Variants in CDKAL1 observed in about 807,000 individuals in gnomAD.
The protein encoded by CDKAL1 is CDKAL1 threonylcarbamoyladenosine tRNA methylthiotransferase.
In CDKAL1, 32 loss-of-function variants were observed where a neutral mutation model predicts 68.2. The observed-to-expected ratio is 0.47, with a 90% confidence interval of 0.35 to 0.63. The LOEUF is 0.63. Ranked by LOEUF, CDKAL1 falls within the 30% of genes least tolerant of loss-of-function variation. The pLI is 0.00. For missense variants in CDKAL1, 606 were observed against 696.7 expected, an observed-to-expected ratio of 0.87 and a Z score of 1.47; for synonymous variants, 234 against 244.3, an observed-to-expected ratio of 0.96 and a Z score of 0.39.
intron 13 of CDKAL1, among the ~76,000 whole-genome samples, chr6:21,176,682 G>GTTTTTTGT (rs1777584802): frequency 8.3e-6 from 1 of 119,870 alleles, no homozygotes; most frequent in South Asian, 2.6e-4. Flanking sequence ...CTGGATGTTG[G>GTTTTTTGT]TTTTTTTTTT....
chr6:21,078,088 C>G (rs1772172659), intron 12 of CDKAL1, among the ~76,000 whole-genome samples: 1 of 152,126 alleles, frequency 6.6e-6, no homozygotes, highest in Non-Finnish European at 1.5e-5. Flanking sequence ...CACAGCCCTG[C>G]CAAAACCCTT....
intron 12 of CDKAL1, among the ~76,000 whole-genome samples, chr6:21,105,451 C>A (rs182034350): frequency 1.2e-4 from 19 of 152,288 alleles, no homozygotes; most frequent in African/African-American, 1.9e-4. Context: ...ACCACTGCCA[C>A]TGGAATTGTG....
At chr6:20,926,437 G>GT (rs1483912933) in intron 9 of CDKAL1, among the ~76,000 whole-genome samples, 1 of 152,064 alleles carries the variant, frequency 6.6e-6, no homozygotes, top group East Asian at 1.9e-4. Flanking sequence ...ATTAAAATAA[G>GT]TTGAAATTGT....
chr6:20,961,367 C>T lies in CDKAL1; in HGVS notation c.909+5782C>T, dbSNP rs1352354439. Reference sequence around the variant, plus strand: ...GAAAACCGAATACCACATGTTCTCACTTATAAGTGGGAGCTAAATAATGAG... The same window carrying T: ...GAAAACCGAATACCACATGTTCTCATTTATAAGTGGGAGCTAAATAATGAG... On this transcript the variant is annotated intron_variant, in intron 10 of 15. Coordinates refer to ENST00000274695, the MANE Select transcript of CDKAL1 (RefSeq NM_017774.3). Among the ~76,000 whole-genome samples the T allele has an allele frequency of 2.0e-5, 3 of 152,140 alleles. No homozygotes were observed. The East Asian group carries it at 5.8e-4, about 29-fold the overall frequency.
chr6:20,669,754 C>A (rs1306757792), intron 5 of CDKAL1, among the ~76,000 whole-genome samples: 2 of 152,100 alleles, frequency 1.3e-5, no homozygotes, highest in African/African-American at 4.8e-5. Context: ...ACTTTCCTTG[C>A]CTCAAGTCCT....
intron 4 of CDKAL1, among the ~76,000 whole-genome samples, chr6:20,635,697 C>T (rs753356350): frequency 1.3e-5 from 2 of 152,168 alleles, no homozygotes; most frequent in Non-Finnish European, 2.9e-5. Context: ...AGCCCTTAGG[C>T]TGGTAGTAGC....
chr6:21,095,825 C>T (rs982737078), intron 12 of CDKAL1, among the ~76,000 whole-genome samples: 4 of 151,996 alleles, frequency 2.6e-5, no homozygotes, highest in Non-Finnish European at 4.4e-5. Context: ...GTCATAAAGG[C>T]CAAAGATAAA....
intron 11 of CDKAL1, among the ~76,000 whole-genome samples, chr6:21,063,183 G>A (rs537584045): frequency 6.6e-6 from 1 of 152,306 alleles, no homozygotes; most frequent in South Asian, 2.1e-4. Flanking sequence ...CCAGAGTGCT[G>A]GGATTACAGG....
chr6:20,854,076 A>G (rs953026791), intron 9 of CDKAL1, among the ~76,000 whole-genome samples: 1 of 152,234 alleles, frequency 6.6e-6, no homozygotes, highest in Admixed American at 6.5e-5. Flanking sequence ...GATAGGAATT[A>G]CGATGAAAAC....
intron 13 of CDKAL1, among the ~76,000 whole-genome samples, chr6:21,155,254 T>A (rs1426530579): frequency 6.6e-6 from 1 of 151,852 alleles, no homozygotes; most frequent in Non-Finnish European, 1.5e-5. Context: ...TTTATCTAGT[T>A]TTTTTTCCCC....
At chr6:20,846,015 A>T in intron 8 of CDKAL1, 60 bp from the exon 9 acceptor site, 1 of 1,018,490 alleles carries the variant, frequency 9.8e-7, no homozygotes, top group Non-Finnish European at 1.5e-6. Context: ...AGGTATCCCC[A>T]TGTTAAGTAT....
At chr6:21,102,400 TC>T (rs1387173584) in intron 12 of CDKAL1, among the ~76,000 whole-genome samples, 1 of 152,170 alleles carries the variant, frequency 6.6e-6, no homozygotes, top group African/African-American at 2.4e-5. Context: ...TGCCTTAGCG[TC>T]GTCCACATCC....
chr6:20,925,848 C>T (rs1251915311), intron 9 of CDKAL1, among the ~76,000 whole-genome samples: 1 of 152,050 alleles, frequency 6.6e-6, no homozygotes, highest in East Asian at 1.9e-4. Context: ...AATTTTGTTC[C>T]TCTCTTTTAT....
intron 12 of CDKAL1, among the ~76,000 whole-genome samples, chr6:21,091,630 A>G (rs1022584788): frequency 1.3e-5 from 2 of 152,142 alleles, no homozygotes; most frequent in African/African-American, 4.8e-5. Flanking sequence ...CCTGTGGTAC[A>G]GTTGAGGGCA....
chr6:21,164,455 A>G (rs970911044), intron 13 of CDKAL1, among the ~76,000 whole-genome samples: 1 of 150,970 alleles, frequency 6.6e-6, no homozygotes, highest in African/African-American at 2.5e-5. Context: ...TGTAACCTAC[A>G]AAAGCAAGTC....
intron 11 of CDKAL1, among the ~76,000 whole-genome samples, chr6:21,057,212 C>G (rs1377643434): frequency 6.6e-6 from 1 of 152,052 alleles, no homozygotes; most frequent in Admixed American, 6.6e-5. Flanking sequence ...CATTATTGGT[C>G]TATTCAGGGA....
chr6:20,646,348 C>A (rs1167297773), intron 4 of CDKAL1, among the ~76,000 whole-genome samples: 1 of 151,340 alleles, frequency 6.6e-6, no homozygotes. Context: ...AGCCACTGCA[C>A]CTGGCCAACT....
intron 13 of CDKAL1, among the ~76,000 whole-genome samples, chr6:21,188,685 G>C (rs1778113230): frequency 6.6e-6 from 1 of 152,154 alleles, no homozygotes; most frequent in South Asian, 2.1e-4. Flanking sequence ...GGCTGCCTGG[G>C]CATGACAGAG....
chr6:20,570,435 C>T (rs1764652763), intron 4 of CDKAL1, among the ~76,000 whole-genome samples: 1 of 151,086 alleles, frequency 6.6e-6, no homozygotes, highest in South Asian at 2.1e-4. Context: ...AAGTCTCACT[C>T]TGTCGCCTAG....
Sources: gnomAD v4.1 joint callset for allele counts (sites outside exome capture counted in the v4.1 genomes callset) on GRCh38, gnomAD v4.1.1 for gene constraint, MANE v1.5 for transcripts, NCBI Gene and HGNC (gene_info 2026-07-23, HGNC 2026-07-21) for gene names.